SMAGP: variants seen among roughly 807,000 people sequenced by gnomAD.
The protein encoded by SMAGP is small cell transmembrane and glycosylated protein.
In SMAGP, 7 loss-of-function variants were observed where a neutral mutation model predicts 10.1. That is an observed-to-expected ratio of 0.70 (90% CI 0.40 to 1.31). The LOEUF (loss-of-function observed/expected upper bound fraction) is 1.31. SMAGP is among the 50% of genes most tolerant of loss of function. The pLI, the probability that SMAGP is intolerant of heterozygous loss-of-function variation, is 0.01. For missense variants in SMAGP, 113 were observed against 116.5 expected (o/e 0.97, Z 0.14); for synonymous variants, 49 against 47.2 (o/e 1.04, Z -0.16).
chr12:51,256,272 T>C (rs1355053408), intron 2 of SMAGP, among the ~76,000 whole-genome samples: 2 of 151,942 alleles, frequency 1.3e-5, no homozygotes, highest in African/African-American at 4.8e-5. Flanking sequence ...TTACTAGATA[T>C]CAAAGTTCAG....
At chr12:51,252,833 T>C (rs1944851684) in intron 2 of SMAGP, among the ~76,000 whole-genome samples, 1 of 107,520 alleles carries the variant, frequency 9.3e-6, no homozygotes, top group Non-Finnish European at 2.5e-5. Context: ...TCAAAGAGAA[T>C]CATTTTTTTG....
At chr12:51,261,087 C>G (rs1170471766) in intron 2 of SMAGP, among the ~76,000 whole-genome samples, 1 of 125,088 alleles carries the variant, frequency 8.0e-6, no homozygotes, top group African/African-American at 2.7e-5. Flanking sequence ...CCGTGCCCAG[C>G]CTTAATTTTT....
At chr12:51,246,938 G>GT (rs1944781864) in intron 2 of SMAGP, 107 bp from the exon 3 acceptor site, 4 of 717,436 alleles carry the variant, frequency 5.6e-6, no homozygotes, top group Non-Finnish European at 4.4e-6. Flanking sequence ...CTATTCAAAA[G>GT]TTTATCATTT....
At chr12:51,247,472 T>C (rs2137294212) in intron 2 of SMAGP, among the ~76,000 whole-genome samples, 1 of 152,238 alleles carries the variant, frequency 6.6e-6, no homozygotes, top group Admixed American at 6.5e-5. Flanking sequence ...AAATAGATCC[T>C]GCACCCCCTC....
intron 2 of SMAGP, among the ~76,000 whole-genome samples, chr12:51,251,752 T>C (rs1179960764): frequency 1.3e-5 from 2 of 152,182 alleles, no homozygotes; most frequent in Non-Finnish European, 2.9e-5. Context: ...TGTTGGTTTA[T>C]ATGTGACTTC....
intron 2 of SMAGP, among the ~76,000 whole-genome samples, chr12:51,252,055 C>G (rs145199509): frequency 1.0e-3 from 152 of 151,570 alleles, no homozygotes; most frequent in African/African-American, 3.6e-3. Flanking sequence ...AAATTTACCT[C>G]AATATTTAAA....
At chr12:51,267,014 A>T (rs1234896455) in intron 2 of SMAGP, among the ~76,000 whole-genome samples, 1 of 152,100 alleles carries the variant, frequency 6.6e-6, no homozygotes, top group Non-Finnish European at 1.5e-5. Context: ...TACTAGGGAG[A>T]CTAAGGTGGG....
chr12:51,268,947 C>T (rs1945001815), intron 2 of SMAGP, among the ~76,000 whole-genome samples: 1 of 152,114 alleles, frequency 6.6e-6, no homozygotes, highest in South Asian at 2.1e-4. Flanking sequence ...GTCTCAAACA[C>T]CTAGCCTCAA....
At position 51,270,296 on chromosome 12, in the gene SMAGP, C is replaced by T. The variant is rs564907954; in HGVS notation, c.-79G>A. The stretch of plus-strand genomic sequence containing the variant: ...GGCTGCTGGTGAAGGGCCGGCGCCG[C>T]TCCGCGCGTCCTTTTGAACTCAACG... On this transcript the variant is annotated 5_prime_UTR_variant, in exon 1 of 4. Coordinates refer to ENST00000603798, the MANE Select transcript of SMAGP (RefSeq NM_001031628.2). The T allele has an allele frequency of 2.7e-4, 42 of 158,274 alleles. No individual in the cohort carries two copies. Among genetic ancestry groups the T allele is most frequent in the Admixed American group, 1.4e-3 (22 of 15,458 alleles). 9.8% of individuals were successfully genotyped at this position (158,274 alleles called of 1,614,324 possible).
chr12:51,269,391 A>C, intron 1 of SMAGP, 75 bp from the exon 2 acceptor site: 1 of 1,205,662 alleles, frequency 8.3e-7, no homozygotes, highest in Non-Finnish European at 1.2e-6. Context: ...GTCCCAGGAA[A>C]GCCTCTGGTG....
Position 51,251,880 on chromosome 12 carries a change from A to T in SMAGP, c.35-5049T>A, listed in dbSNP as rs538658141. Among the ~76,000 whole-genome samples the T allele has an allele frequency of 3.9e-5, 6 of 152,324 alleles. No homozygotes were observed. The South Asian group carries it at 1.2e-3, about 32-fold the overall frequency. On this transcript the variant is annotated intron_variant, in intron 2 of 3. Coordinates refer to ENST00000603798, the MANE Select transcript of SMAGP (RefSeq NM_001031628.2). Reference sequence around the variant, plus strand: ...CTCTTTAGCTTTAATGTTTAACATGATCAGAAGCAAGCTTTCTCACAACTA... The same window carrying T: ...CTCTTTAGCTTTAATGTTTAACATGTTCAGAAGCAAGCTTTCTCACAACTA...
chr12:51,247,676 G>A (rs1176533482), intron 2 of SMAGP, among the ~76,000 whole-genome samples: 1 of 152,172 alleles, frequency 6.6e-6, no homozygotes, highest in African/African-American at 2.4e-5. Context: ...GTCTCCTGGG[G>A]AAAACCAGCT....
intron 2 of SMAGP, among the ~76,000 whole-genome samples, chr12:51,247,962 T>C (rs1035034629): frequency 1.2e-4 from 18 of 152,148 alleles, no homozygotes; most frequent in Admixed American, 9.8e-4. Context: ...ATATCTGACC[T>C]GGGAGCTGAA....
In SMAGP at chr12:51,246,041, C is replaced by T; in HGVS notation, c.194G>A (p.Ser65Asn). Residue 65 changes from serine to asparagine, a missense_variant, in exon 4 of 4, where the codon AGC becomes AAC. Physicochemically the swap from Ser to Asn is conservative, Grantham distance 46. Transcript: ENST00000603798. ...IFFYLYKNKG[S>N]YVTYEPTEGE... ...TTCTGTAGGTTCATAGGTGACGTAG[C>T]TGCCTTTGTTCTTGTACAGGTAAAA... is the stretch of plus-strand genomic sequence containing the variant. The T allele has an allele frequency of 6.2e-7, 1 of 1,613,958 alleles. No individual in the cohort carries two copies. Among genetic ancestry groups the T allele is most frequent in the South Asian group, 1.1e-5 (1 of 91,072 alleles).
At chr12:51,269,347 A>G (rs1233936459) in intron 1 of SMAGP, 31 bp from the exon 2 acceptor site, 1 of 1,585,666 alleles carries the variant, frequency 6.3e-7, no homozygotes, top group Admixed American at 1.7e-5. Flanking sequence ...ACAGGAATGT[A>G]GCGGGTGGGC....
At chr12:51,269,657 G>A (rs916343567) in intron 1 of SMAGP, 4 of 206,444 alleles carry the variant, frequency 1.9e-5, no homozygotes, top group Admixed American at 1.7e-4. Flanking sequence ...GCCAAAGCGC[G>A]GTAACAGGTA....
At chr12:51,253,011 A>G (rs975423825) in intron 2 of SMAGP, among the ~76,000 whole-genome samples, 3 of 152,140 alleles carry the variant, frequency 2.0e-5, no homozygotes, top group African/African-American at 7.2e-5. Flanking sequence ...GCTTCTGAGA[A>G]AGAGAAAGGG....
intron 2 of SMAGP, among the ~76,000 whole-genome samples, chr12:51,267,969 G>A (rs947424022): frequency 1.3e-5 from 2 of 152,176 alleles, no homozygotes; most frequent in African/African-American, 4.8e-5. Context: ...GAAGACAAAG[G>A]TGTATAGACC....
At chr12:51,246,314 G>A (rs1306764860) in intron 3 of SMAGP, 195 bp from the exon 4 acceptor site, 2 of 730,804 alleles carry the variant, frequency 2.7e-6, no homozygotes, top group South Asian at 2.3e-5. Context: ...GTCTCCTGGT[G>A]CTTAAGCTAA....
Sources: gnomAD v4.1 joint callset for allele counts (sites outside exome capture counted in the v4.1 genomes callset) on GRCh38, gnomAD v4.1.1 for gene constraint, MANE v1.5 for transcripts, NCBI Gene and HGNC (gene_info 2026-07-23, HGNC 2026-07-21) for gene names.